The following SNTG2 variants were observed in gnomAD, a reference collection of about 807,000 sequenced individuals.
The protein encoded by SNTG2 is syntrophin gamma 2.
In SNTG2, 74 loss-of-function variants were observed where a neutral mutation model predicts 70.9. The ratio of observed to expected loss-of-function variants is 1.04; its 90% CI spans 0.86 to 1.27. SNTG2 has a LOEUF of 1.27. SNTG2 is among the 50% of genes most tolerant of loss of function. The pLI, the probability that SNTG2 is intolerant of heterozygous loss-of-function variation, is 0.00. For missense variants in SNTG2, 717 were observed against 690.7 expected (o/e 1.04, Z -0.43); for synonymous variants, 278 against 273.8 (o/e 1.02, Z -0.15).
At chr2:1,031,528 A>ATATATATATATATTTTTTT in intron 1 of SNTG2, among the ~76,000 whole-genome samples, 3 of 59,142 alleles carry the variant, frequency 5.1e-5, no homozygotes, top group African/African-American at 1.7e-4. Context: ...ATATATATAT[A>ATATATATATATATTTTTTT]TTTTTTTTTT....
At chr2:1,004,527 A>G (rs946431445) in intron 1 of SNTG2, among the ~76,000 whole-genome samples, 18 of 152,010 alleles carry the variant, frequency 1.2e-4, no homozygotes, top group South Asian at 2.1e-4. Context: ...CAGACACCTC[A>G]TGTAGATCTG....
chr2:1,078,701 C>T (rs931568322), intron 1 of SNTG2, among the ~76,000 whole-genome samples: 1 of 152,118 alleles, frequency 6.6e-6, no homozygotes, highest in South Asian at 2.1e-4. Flanking sequence ...CAGCTGTGAC[C>T]TTAAGAATAC....
intron 1 of SNTG2, among the ~76,000 whole-genome samples, chr2:979,862 T>C (rs1357652674): frequency 6.7e-6 from 1 of 149,780 alleles, no homozygotes; most frequent in African/African-American, 2.5e-5. Flanking sequence ...AACAAAGTTA[T>C]TGCCAAAGTT....
chr2:1,260,429 C>T (rs1678355660), intron 13 of SNTG2, among the ~76,000 whole-genome samples: 1 of 152,074 alleles, frequency 6.6e-6, no homozygotes, highest in Non-Finnish European at 1.5e-5. Context: ...ATTGTTCCTA[C>T]TTTTGTTGAA....
chr2:1,005,632 C>T (rs1016448620), intron 1 of SNTG2, among the ~76,000 whole-genome samples: 3 of 151,052 alleles, frequency 2.0e-5, no homozygotes, highest in Admixed American at 1.3e-4. Context: ...GGAGAAACCT[C>T]GTCTCCACTA....
intron 1 of SNTG2, among the ~76,000 whole-genome samples, chr2:1,037,235 A>G (rs1006117674): frequency 6.6e-6 from 1 of 152,116 alleles, no homozygotes; most frequent in Non-Finnish European, 1.5e-5. Context: ...CAGCTGGACC[A>G]TGTCTGGGTC....
intron 8 of SNTG2, among the ~76,000 whole-genome samples, chr2:1,198,224 G>A (rs1172209153): frequency 1.3e-5 from 2 of 151,946 alleles, no homozygotes; most frequent in Non-Finnish European, 2.9e-5. Flanking sequence ...ATAAATATAT[G>A]AAAATTAAAC....
chr2:1,203,535 T>C (rs940910944), intron 8 of SNTG2, among the ~76,000 whole-genome samples: 2 of 151,390 alleles, frequency 1.3e-5, no homozygotes, highest in Non-Finnish European at 2.9e-5. Flanking sequence ...GTATCTGTAA[T>C]CCCAGCTTCT....
At chr2:1,142,401 C>T (rs1668816209) in intron 6 of SNTG2, among the ~76,000 whole-genome samples, 1 of 152,226 alleles carries the variant, frequency 6.6e-6, no homozygotes. Flanking sequence ...CCAGGAGCCA[C>T]CTTCAGTGGT....
chr2:1,072,350 T>TC (rs541441686), intron 1 of SNTG2, among the ~76,000 whole-genome samples: 18,593 of 127,632 alleles, frequency 0.15, 1,511 homozygotes, highest in Middle Eastern at 0.22. Flanking sequence ...TTTCTTTTTC[T>TC]TTTTTTTTTT....
At chr2:1,220,219 A>C (rs981589206) in intron 9 of SNTG2, among the ~76,000 whole-genome samples, 1 of 152,136 alleles carries the variant, frequency 6.6e-6, no homozygotes, top group Non-Finnish European at 1.5e-5. Flanking sequence ...CTTGTTATGG[A>C]ATGTGGGAAT....
intron 9 of SNTG2, among the ~76,000 whole-genome samples, chr2:1,213,564 CT>C (rs1674184828): frequency 1.3e-5 from 2 of 152,194 alleles, no homozygotes; most frequent in South Asian, 4.1e-4. Flanking sequence ...AGACTGGAGT[CT>C]GTGCTGGAAG....
chr2:962,734 A>T (rs1174455185), intron 1 of SNTG2, among the ~76,000 whole-genome samples: 1 of 152,248 alleles, frequency 6.6e-6, no homozygotes, highest in Non-Finnish European at 1.5e-5. Flanking sequence ...ATGAAGCCAC[A>T]TAAAACCAAG....
At chr2:1,263,930 A>G (rs1558612410) in intron 13 of SNTG2, among the ~76,000 whole-genome samples, 1 of 152,236 alleles carries the variant, frequency 6.6e-6, no homozygotes, top group East Asian at 1.9e-4. Context: ...CTATTATAAT[A>G]CACAGCTGCC....
intron 4 of SNTG2, among the ~76,000 whole-genome samples, chr2:1,125,868 TA>T (rs1415282746): frequency 1.3e-5 from 2 of 152,134 alleles, no homozygotes; most frequent in Non-Finnish European, 2.9e-5. Context: ...GTGTTTTTTT[TA>T]ATTAACACAT....
Position 1,269,963 on chromosome 2 carries a change from G to A in SNTG2, c.1284+2392G>A, listed in dbSNP as rs182982888. Among the ~76,000 whole-genome samples, 218 of 152,262 alleles carry A rather than the reference G, an allele frequency of 1.4e-3. 2 individuals are homozygous for A. Among genetic ancestry groups the A allele is most frequent in the African/African-American group, 5.2e-3 (214 of 41,550 alleles). On this transcript the variant is annotated intron_variant, in intron 14 of 16. Coordinates refer to ENST00000308624, the MANE Select transcript of SNTG2 (RefSeq NM_018968.4). ...ATGACCACTGTTGGGAAGAACTTCT[G>A]GGGCCGTGCCATGCTGCCCATGACT...
intron 13 of SNTG2, among the ~76,000 whole-genome samples, chr2:1,265,170 C>G (rs938827495): frequency 6.6e-6 from 1 of 152,192 alleles, no homozygotes; most frequent in East Asian, 1.9e-4. Context: ...GAGATACTTT[C>G]TGCACCATAA....
At chr2:1,279,095 C>T (rs1366476623) in intron 14 of SNTG2, among the ~76,000 whole-genome samples, 2 of 145,574 alleles carry the variant, frequency 1.4e-5, no homozygotes, top group East Asian at 2.1e-4. Flanking sequence ...TGTCAGTGCG[C>T]GAATCACCCC....
chr2:1,186,124 G>T (rs898297215), intron 8 of SNTG2, among the ~76,000 whole-genome samples: 15 of 150,590 alleles, frequency 1.0e-4, no homozygotes, highest in African/African-American at 3.7e-4. Context: ...ATGTTGCACA[G>T]ATCCCTAGAG....
Sources: allele counts gnomAD v4.1 joint callset (sites outside exome capture counted in the v4.1 genomes callset), GRCh38; gene constraint gnomAD v4.1.1; transcripts MANE v1.5; gene names NCBI Gene and HGNC (gene_info 2026-07-23, HGNC 2026-07-21).